Variants in LAMA3 observed in about 807,000 individuals in gnomAD.
LAMA3 encodes laminin subunit alpha-3.
LAMA3 carries 281 observed loss-of-function variants against 402.0 expected under a neutral mutation model. The observed-to-expected ratio is 0.70, with a 90% CI of 0.63 to 0.77. The LOEUF (loss-of-function observed/expected upper bound fraction) is 0.77, where lower values mean the gene tolerates loss of function less well. Among genes scored for constraint, LAMA3 ranks in the 30% least tolerant of loss-of-function variants. The pLI is 0.00. For synonymous variants in LAMA3, 1,431 were observed against 1,558.4 expected (o/e 0.92, Z 1.93); for missense variants, 3,840 against 4,215.5 (o/e 0.91, Z 2.47).
chr18:23,951,869 A>G, intron 73 of LAMA3, 92 bp downstream of exon 73: 1 of 964,852 alleles, frequency 1.0e-6, no homozygotes, highest in Non-Finnish European at 1.6e-6. Context: ...CAGCCCCTCC[A>G]TCCACAGTGC....
At chr18:23,797,547 C>T (rs1025375352) in intron 12 of LAMA3, among the ~76,000 whole-genome samples, 1 of 152,120 alleles carries the variant, frequency 6.6e-6, no homozygotes, top group Non-Finnish European at 1.5e-5. Context: ...AACCCCGTCT[C>T]TACTAAACAA....
intron 55 of LAMA3, among the ~76,000 whole-genome samples, chr18:23,910,935 A>T (rs531903021): frequency 6.6e-6 from 1 of 152,354 alleles, no homozygotes; most frequent in Non-Finnish European, 1.5e-5. Context: ...GAAAAAATGC[A>T]TGGGAATTTG....
chr18:23,880,118 C>T (rs1462561749), intron 39 of LAMA3, among the ~76,000 whole-genome samples: 2 of 152,168 alleles, frequency 1.3e-5, no homozygotes, highest in Non-Finnish European at 2.9e-5. Flanking sequence ...TGAGGGAAGC[C>T]GCTGGTGTCC....
At chr18:23,784,679 G>T (rs543605438) in intron 12 of LAMA3, among the ~76,000 whole-genome samples, 24 of 152,112 alleles carry the variant, frequency 1.6e-4, no homozygotes, top group South Asian at 6.2e-4. Context: ...GGTCGCTGAA[G>T]GGGGGATGGA....
chr18:23,931,267 T>C, intron 65 of LAMA3, 66 bp downstream of exon 65: 1 of 1,501,004 alleles, frequency 6.7e-7, no homozygotes, highest in Non-Finnish European at 9.3e-7. Context: ...TAATGGAATT[T>C]TCTGGTGTCT....
At chr18:23,841,266 G>A (rs779795773) in intron 27 of LAMA3, among the ~76,000 whole-genome samples, 11 of 152,180 alleles carry the variant, frequency 7.2e-5, no homozygotes, top group Non-Finnish European at 1.3e-4. Context: ...ATGAGGATGA[G>A]CTTTAGTTGT....
intron 12 of LAMA3, among the ~76,000 whole-genome samples, chr18:23,789,440 T>C (rs946306888): frequency 3.3e-5 from 5 of 152,276 alleles, no homozygotes; most frequent in South Asian, 2.1e-4. Context: ...AACTGATGAA[T>C]AGATAAAATG....
rs1327264470 is a variant in LAMA3, at chr18:23,858,846, A to G, written c.4422+17A>G. The G allele has an allele frequency of 1.9e-6, 3 of 1,613,014 alleles. No homozygotes were observed. Among genetic ancestry groups the G allele is most frequent in the Non-Finnish European group, 2.5e-6 (3 of 1,178,998 alleles). ...AGGACTAAGGTATGCATTGACAGAA[A>G]GTGCTGGGGAACATTTTGTACATGG... On this transcript the variant is annotated intron_variant, in intron 34 of 74. Coordinates refer to ENST00000313654, the MANE Select transcript of LAMA3 (RefSeq NM_198129.4).
chr18:23,842,516 G>C lies in LAMA3; in HGVS notation c.3458G>C (p.Arg1153Pro). The C allele has an allele frequency of 6.2e-7, 1 of 1,614,180 alleles. No homozygotes were observed. The highest frequency in any genetic ancestry group is 8.5e-7 in the Non-Finnish European group (1 of 1,180,050). ...GTGTCGGTGGATGGCGGGTGGCCAC[G>C]GGCAGGTGAGCTGCAGTGAGCAGGC... is the stretch of plus-strand genomic sequence containing the variant. ...AQVSVDGGWPRAGSFHASFCP... is the reference protein window; with the variant it reads ...AQVSVDGGWPPAGSFHASFCP... Residue 1153 changes from arginine to proline, a missense_variant, in exon 28 of 75, where the codon CGG becomes CCG. This residue lies in a region of LAMA3 where 2,109 missense variants were observed against 2,376.0 expected (regional missense o/e 0.89). Transcript: ENST00000313654.
Position 23,748,005 on chromosome 18 carries a change from C to T in LAMA3, c.510C>T (p.Val170=), listed in dbSNP as rs976481453. 7 of 1,613,576 alleles carry T rather than the reference C, an allele frequency of 4.3e-6. No homozygotes were observed. In the Admixed American group the frequency reaches 5.0e-5, roughly 12 times the overall value. ...FANSPRPDLW[V]LERSVDFGST... ...ATTCTCCTCGCCCTGATCTTTGGGT[C>T]TTGGAAAGATCTGTAGACTTTGGAA... Residue 170 remains valine (V), a synonymous_variant, in exon 3 of 75, where the codon GTC becomes GTT. Coordinates refer to ENST00000313654, the MANE Select transcript of LAMA3 (RefSeq NM_198129.4).
intron 2 of LAMA3, among the ~76,000 whole-genome samples, chr18:23,745,652 CT>C (rs2143492931): frequency 6.6e-6 from 1 of 152,296 alleles, no homozygotes; most frequent in Admixed American, 6.5e-5. Context: ...CTTTCCTCAT[CT>C]TTAAAGTGGG....
At chr18:23,910,713 T>A (rs866381182) in intron 55 of LAMA3, among the ~76,000 whole-genome samples, 6 of 152,178 alleles carry the variant, frequency 3.9e-5, no homozygotes, top group South Asian at 2.1e-4. Context: ...AGATTTTTTT[T>A]AAAAAAAGCC....
intron 1 of LAMA3, among the ~76,000 whole-genome samples, chr18:23,712,722 G>A (rs1368163403): frequency 6.7e-6 from 1 of 149,304 alleles, no homozygotes; most frequent in Admixed American, 6.8e-5. Context: ...CACACCTTTG[G>A]TTACATACCA....
At chr18:23,820,927 C>T (rs1242006985) in intron 19 of LAMA3, among the ~76,000 whole-genome samples, 3 of 152,266 alleles carry the variant, frequency 2.0e-5, no homozygotes, top group East Asian at 1.9e-4. Flanking sequence ...CCCATCCAAG[C>T]GGCCTTTCTG....
intron 7 of LAMA3, among the ~76,000 whole-genome samples, chr18:23,759,244 G>A (rs1049760011): frequency 4.0e-4 from 60 of 151,372 alleles, no homozygotes; most frequent in African/African-American, 1.5e-3. Flanking sequence ...GGTGGAGGTG[G>A]GAGAATGGCT....
intron 2 of LAMA3, among the ~76,000 whole-genome samples, chr18:23,745,802 G>A (rs2061642969): frequency 6.6e-6 from 1 of 152,220 alleles, no homozygotes; most frequent in African/African-American, 2.4e-5. Context: ...AGAGGGTTAT[G>A]TGTGCTATGA....
chr18:23,742,709 T>C (rs540257125), intron 2 of LAMA3, among the ~76,000 whole-genome samples: 87 of 152,178 alleles, frequency 5.7e-4, no homozygotes, highest in African/African-American at 2.0e-3. Context: ...ATATTGTTAA[T>C]AGTTGGTGAA....
chr18:23,876,411 A>C lies in LAMA3; in HGVS notation c.5112+4A>C, dbSNP rs1598977773. ...GGATGGCTCAGGCATATGTGTTGTG[A>C]GTAAATTGACACTTTAATGCTATCA... On this transcript the variant is annotated splice_donor_region_variant and intron_variant, in intron 39 of 74. Transcript: ENST00000313654. The C allele has an allele frequency of 3.2e-6, 5 of 1,578,404 alleles. No homozygotes were observed. Among genetic ancestry groups the C allele is most frequent in the Non-Finnish European group, 4.4e-6 (5 of 1,147,354 alleles).
At chr18:23,830,691 G>T (rs2144496770) in intron 23 of LAMA3, among the ~76,000 whole-genome samples, 1 of 152,186 alleles carries the variant, frequency 6.6e-6, no homozygotes, top group South Asian at 2.1e-4. Context: ...AATATCATTT[G>T]CAGGCTCATC....
Sources: gnomAD v4.1 joint callset for allele counts (sites outside exome capture counted in the v4.1 genomes callset) on GRCh38, gnomAD v4.1.1 for gene constraint, gnomAD v4.1.1 regional missense constraint, MANE v1.5 for transcripts, NCBI Gene and HGNC (gene_info 2026-07-23, HGNC 2026-07-21) for gene names.